Variants in ZNF704 observed in about 807,000 individuals in gnomAD.
ZNF704 encodes the protein zinc finger protein 704.
In ZNF704, 10 loss-of-function variants were observed where a neutral mutation model predicts 44.7. That is an observed-to-expected ratio of 0.22 (90% CI 0.14 to 0.38). The LOEUF (loss-of-function observed/expected upper bound fraction) is 0.38, where lower values mean the gene tolerates loss of function less well. Among genes scored for constraint, ZNF704 ranks in the 10% least tolerant of loss-of-function variants. The pLI is 1.00. For missense variants in ZNF704, 390 were observed against 545.5 expected (o/e 0.71, Z 2.84); for synonymous variants, 211 against 207.6 (o/e 1.02, Z -0.14).
At chr8:80,702,790 G>C (rs1359706102) in intron 2 of ZNF704, among the ~76,000 whole-genome samples, 2 of 152,148 alleles carry the variant, frequency 1.3e-5, no homozygotes, top group Admixed American at 1.3e-4. Flanking sequence ...ATGGCCGTGG[G>C]AGTAGAGGGC....
In ZNF704 at chr8:80,763,664, C is replaced by T. The variant is rs182700263; in HGVS notation, c.221+57710G>A. Among the ~76,000 whole-genome samples the T allele has an allele frequency of 4.3e-4, 66 of 152,330 alleles. 1 individual carries two copies. The East Asian group carries it at 0.012, about 27-fold the overall frequency. ...TGGAGACATTTCCCCCATTTCATGG[C>T]TATTAACATTCGGCTCCTCATTACC... On this transcript the variant is annotated intron_variant, in intron 2 of 8. Transcript: ENST00000327835.
In ZNF704 at chr8:80,782,930, C is replaced by T. The variant is rs140544201; in HGVS notation, c.221+38444G>A. 1.9e-4 allele frequency among the ~76,000 whole-genome samples: 29 copies of T among 152,138 alleles called. No individual in the cohort carries two copies. In the East Asian group the frequency reaches 4.4e-3, roughly 23 times the overall value. ...ACCCGCCCATATGGAGTGCCGACTG[C>T]ACTTATTGAAAAAAATCCACATATT... On this transcript the variant is annotated intron_variant, in intron 2 of 8. Transcript: ENST00000327835.
intron 7 of ZNF704, among the ~76,000 whole-genome samples, chr8:80,656,737 A>G (rs904916059): frequency 1.3e-5 from 2 of 152,202 alleles, no homozygotes; most frequent in East Asian, 1.9e-4. Context: ...ACTTTCTAGG[A>G]AGTGTACAAA....
intron 1 of ZNF704, among the ~76,000 whole-genome samples, chr8:80,855,570 T>G (rs957560711): frequency 6.6e-6 from 1 of 152,128 alleles, no homozygotes; most frequent in Non-Finnish European, 1.5e-5. Context: ...CTAAATAATG[T>G]GTACACATGG....
intron 2 of ZNF704, among the ~76,000 whole-genome samples, chr8:80,746,318 T>C (rs1175033261): frequency 2.0e-5 from 3 of 152,164 alleles, no homozygotes; most frequent in East Asian, 1.9e-4. Context: ...CAGTATATAT[T>C]TTTGGATGTA....
At chr8:80,726,532 C>T (rs1426668932) in intron 2 of ZNF704, among the ~76,000 whole-genome samples, 2 of 152,062 alleles carry the variant, frequency 1.3e-5, no homozygotes, top group African/African-American at 2.4e-5. Context: ...GAGGTACATA[C>T]TCAAAAGATT....
Position 80,687,279 on chromosome 8 carries a change from C to T in ZNF704, c.505G>A (p.Glu169Lys). The T allele has an allele frequency of 6.2e-7, 1 of 1,613,184 alleles. No homozygotes were observed. Among genetic ancestry groups the T allele is most frequent in the Non-Finnish European group, 8.5e-7 (1 of 1,179,848 alleles). The change falls in exon 4 of 9, where the codon GAG becomes AAG. Residue 169 changes from glutamate to lysine, a missense_variant. Transcript: ENST00000327835. Reference protein sequence around the residue: ...SPAQPDDGIDEAEASNLLFDE... With the variant: ...SPAQPDDGIDKAEASNLLFDE... ...AAGAGCAGGTTGCTGGCCTCCGCCT[C>T]GTCGATGCCGTCGTCTGGCTGCGCG... is the stretch of plus-strand genomic sequence containing the variant.
chr8:80,800,087 T>C (rs1316055905), intron 2 of ZNF704, among the ~76,000 whole-genome samples: 1 of 152,070 alleles, frequency 6.6e-6, no homozygotes, highest in Non-Finnish European at 1.5e-5. Flanking sequence ...AAGATGATCT[T>C]TCTGAAATAA....
At chr8:80,710,144 C>T (rs1252200829) in intron 2 of ZNF704, among the ~76,000 whole-genome samples, 1 of 152,164 alleles carries the variant, frequency 6.6e-6, no homozygotes, top group East Asian at 1.9e-4. Context: ...GACCTTCCTA[C>T]CTCCTATCTT....
At chr8:80,687,686 TAA>T (rs1818563516) in intron 3 of ZNF704, among the ~76,000 whole-genome samples, 1 of 152,250 alleles carries the variant, frequency 6.6e-6, no homozygotes, top group African/African-American at 2.4e-5. Flanking sequence ...TAGGTTTTTC[TAA>T]GAGTTTTCTG....
intron 2 of ZNF704, among the ~76,000 whole-genome samples, chr8:80,711,247 G>C (rs778560689): frequency 1.4e-4 from 22 of 152,272 alleles, no homozygotes; most frequent in Admixed American, 7.8e-4. Context: ...GCAGTCATAG[G>C]GAAAATGGAC....
chr8:80,823,135 G>T (rs188570323), intron 1 of ZNF704, among the ~76,000 whole-genome samples: 2 of 152,166 alleles, frequency 1.3e-5, no homozygotes, highest in African/African-American at 4.8e-5. Flanking sequence ...CGCCTCATCC[G>T]GGAAGTGCAA....
At chr8:80,862,122 G>A (rs1004966782) in intron 1 of ZNF704, among the ~76,000 whole-genome samples, 2 of 142,164 alleles carry the variant, frequency 1.4e-5, no homozygotes, top group African/African-American at 5.3e-5. Flanking sequence ...TCCTGTCTCA[G>A]CCTCCCGAGG....
At chr8:80,762,100 A>G (rs976749164) in intron 2 of ZNF704, among the ~76,000 whole-genome samples, 2 of 152,222 alleles carry the variant, frequency 1.3e-5, no homozygotes, top group African/African-American at 2.4e-5. Context: ...TGTGAAGTCA[A>G]ATTGGCCAAA....
chr8:80,785,226 T>G (rs1436592496), intron 2 of ZNF704, among the ~76,000 whole-genome samples: 4 of 152,178 alleles, frequency 2.6e-5, no homozygotes, highest in Non-Finnish European at 5.9e-5. Flanking sequence ...ACACCTCAAT[T>G]GGGATTGGTC....
At position 80,844,931 on chromosome 8, in the gene ZNF704, C is replaced by T. The variant is rs760134575; in HGVS notation, c.-21-23316G>A. Among the ~76,000 whole-genome samples the T allele has an allele frequency of 6.6e-5, 10 of 151,982 alleles. No individual in the cohort carries two copies. In the South Asian group the frequency reaches 8.3e-4, roughly 13 times the overall value. ...ATGGGCTCAAGCAATCCTCCCACCT[C>T]GGCCTCCCAAAGTGCTGGTATTACA... On this transcript the variant is annotated intron_variant, in intron 1 of 8. Transcript: ENST00000327835.
chr8:80,685,118 C>A (rs1185438377), intron 4 of ZNF704, among the ~76,000 whole-genome samples: 1 of 151,142 alleles, frequency 6.6e-6, no homozygotes, highest in Non-Finnish European at 1.5e-5. Flanking sequence ...TGGGCCTGTG[C>A]TCATCCAATA....
At chr8:80,722,292 G>A (rs1445703007) in intron 2 of ZNF704, among the ~76,000 whole-genome samples, 1 of 152,116 alleles carries the variant, frequency 6.6e-6, no homozygotes, top group Non-Finnish European at 1.5e-5. Context: ...AAAAACGACT[G>A]CCTGTTTGTT....
At chr8:80,822,465 G>C (rs71519005) in intron 1 of ZNF704, among the ~76,000 whole-genome samples, 1,942 of 152,270 alleles carry the variant, frequency 0.013, 19 homozygotes, top group Non-Finnish European at 0.021. Flanking sequence ...ATTTGGGTTG[G>C]TTCCAACTCT....
Sources: allele counts gnomAD v4.1 joint callset (sites outside exome capture counted in the v4.1 genomes callset), GRCh38; gene constraint gnomAD v4.1.1; transcripts MANE v1.5; gene names NCBI Gene and HGNC (gene_info 2026-07-23, HGNC 2026-07-21).